PCDHA2: variants seen among roughly 807,000 people sequenced by gnomAD.
The protein encoded by PCDHA2 is protocadherin alpha-2.
In PCDHA2, 58 loss-of-function variants were observed where a neutral mutation model predicts 66.0. The ratio of observed to expected loss-of-function variants is 0.88; its 90% CI spans 0.71 to 1.09. The LOEUF is 1.09. Ranked by LOEUF, PCDHA2 falls within the 50% of genes least tolerant of loss-of-function variation. The pLI is 0.00. For missense variants in PCDHA2, 1,267 were observed against 1,242.3 expected (o/e 1.02, Z -0.30); for synonymous variants, 634 against 554.0 (o/e 1.14, Z -2.03).
At chr5:140,843,066 C>T (rs2150351563) in intron 1 of PCDHA2, 4 of 1,595,216 alleles carry the variant, frequency 2.5e-6, no homozygotes, top group Non-Finnish European at 3.4e-6. Context: ...AAGCTGGTGC[C>T]GCGGTCTGTG....
At chr5:140,895,968 G>C (rs190056652) in intron 1 of PCDHA2, among the ~76,000 whole-genome samples, 4 of 151,938 alleles carry the variant, frequency 2.6e-5, no homozygotes, top group African/African-American at 4.8e-5. Flanking sequence ...CTGTCACCAG[G>C]CCTAGCTAAT....
At chr5:140,969,045 CCAA>C in intron 1 of PCDHA2, 4 of 1,614,090 alleles carry the variant, frequency 2.5e-6, no homozygotes, top group Non-Finnish European at 3.4e-6. Flanking sequence ...TACAAACAAG[CCAA>C]CAACAATATT....
chr5:140,850,813 G>A (rs2150499202), intron 1 of PCDHA2: 2 of 1,598,488 alleles, frequency 1.3e-6, no homozygotes, highest in Admixed American at 1.7e-5. Flanking sequence ...ATGGCCTTCA[G>A]CCCGGGCCTT....
At chr5:140,821,741 T>A in intron 1 of PCDHA2, 3 of 1,554,034 alleles carry the variant, frequency 1.9e-6, no homozygotes, top group Non-Finnish European at 2.6e-6. Context: ...TGTGTGGTGA[T>A]GCAATAGAAA....
At chr5:140,882,279 C>A (rs1456228410) in intron 1 of PCDHA2, 1 of 1,612,386 alleles carries the variant, frequency 6.2e-7, no homozygotes, top group Non-Finnish European at 8.5e-7. Context: ...ATGCTGTCTT[C>A]CTGGCAAGGA....
chr5:140,836,253 G>T (rs2150256519), intron 1 of PCDHA2: 2 of 1,613,806 alleles, frequency 1.2e-6, no homozygotes, highest in Admixed American at 1.7e-5. Context: ...CCCGTTCCGC[G>T]TGGGGCTGTA....
intron 1 of PCDHA2, among the ~76,000 whole-genome samples, chr5:140,820,314 T>C (rs1766731198): frequency 1.3e-5 from 2 of 152,016 alleles, no homozygotes; most frequent in African/African-American, 4.8e-5. Flanking sequence ...CAATATCTTG[T>C]TTCTTTACAA....
chr5:140,956,044 T>G (rs1335890349), intron 1 of PCDHA2, among the ~76,000 whole-genome samples: 1 of 152,200 alleles, frequency 6.6e-6, no homozygotes, highest in African/African-American at 2.4e-5. Context: ...AAGAAGCTTT[T>G]GGGCTGAGAC....
At chr5:140,820,227 A>T (rs1766717678) in intron 1 of PCDHA2, among the ~76,000 whole-genome samples, 1 of 152,006 alleles carries the variant, frequency 6.6e-6, no homozygotes, top group Admixed American at 6.5e-5. Context: ...AAAAGTCATG[A>T]TAATAGAGAT....
rs782372222 is a variant in PCDHA2 at position 140,876,213 on chromosome 5, T to C, written c.2388+78861T>C. 11 of 1,613,846 alleles carry C rather than the reference T, an allele frequency of 6.8e-6. No homozygotes were observed. The Admixed American group carries it at 8.3e-5, about 12-fold the overall frequency. On this transcript the variant is annotated intron_variant, in intron 1 of 3. Coordinates refer to ENST00000526136, the MANE Select transcript of PCDHA2 (RefSeq NM_018905.3). The stretch of plus-strand genomic sequence containing the variant: ...GTCCGGCGTTTGATAAGCCCAGCTA[T>C]AAAGTAGTGTTGTCTGAAAATGTCC...
chr5:140,825,268 G>A (rs1348823121), intron 1 of PCDHA2: 1 of 149,918 alleles, frequency 6.7e-6, no homozygotes, highest in Non-Finnish European at 1.5e-5. Context: ...GTATGTGATT[G>A]GTTATTTTTC....
chr5:140,856,809 A>G lies in PCDHA2; in HGVS notation c.2388+59457A>G, dbSNP rs782118456. 11 of 1,594,544 alleles carry G rather than the reference A, an allele frequency of 6.9e-6. No homozygotes were observed. The African/African-American group carries it at 1.3e-4, about 20-fold the overall frequency. ...TATGAAGTTAAGATGTATGAAAATCAAGTGAACCAAACATTAGTAATACGG... is the reference window on the plus strand; with the variant it reads ...TATGAAGTTAAGATGTATGAAAATCGAGTGAACCAAACATTAGTAATACGG... On this transcript the variant is annotated intron_variant, in intron 1 of 3. Coordinates refer to ENST00000526136, the MANE Select transcript of PCDHA2 (RefSeq NM_018905.3).
chr5:140,845,410 G>A (rs1316753115), intron 1 of PCDHA2, among the ~76,000 whole-genome samples: 3 of 149,216 alleles, frequency 2.0e-5, no homozygotes, highest in South Asian at 4.2e-4. Context: ...ATTGTATTTG[G>A]CAATTTATCA....
intron 1 of PCDHA2, among the ~76,000 whole-genome samples, chr5:140,889,313 T>G (rs1554183863): frequency 6.6e-6 from 1 of 152,078 alleles, no homozygotes; most frequent in Non-Finnish European, 1.5e-5. Flanking sequence ...ACTGTTGAAG[T>G]TATCTGTATC....
intron 1 of PCDHA2, among the ~76,000 whole-genome samples, chr5:140,912,269 A>T (rs1463580948): frequency 6.6e-6 from 1 of 151,984 alleles, no homozygotes; most frequent in African/African-American, 2.4e-5. Context: ...ACCCTCACAG[A>T]TATACCCAGG....
intron 1 of PCDHA2, among the ~76,000 whole-genome samples, chr5:140,915,767 C>T (rs1554197085): frequency 6.6e-6 from 1 of 151,976 alleles, no homozygotes; most frequent in Non-Finnish European, 1.5e-5. Context: ...TGGGTCTTGT[C>T]CAAGGCCTGC....
At chr5:140,934,930 C>G (rs1467115569) in intron 1 of PCDHA2, among the ~76,000 whole-genome samples, 2 of 152,102 alleles carry the variant, frequency 1.3e-5, no homozygotes, top group Non-Finnish European at 2.9e-5. Context: ...CATAAAGTTA[C>G]AAAACTAGTA....
chr5:140,834,427 T>C (rs2150217610), intron 1 of PCDHA2: 1 of 1,613,722 alleles, frequency 6.2e-7, no homozygotes, highest in Non-Finnish European at 8.5e-7. Context: ...CGACATCTAC[T>C]GCTGTTTATT....
At chr5:140,883,615 C>A in intron 1 of PCDHA2, 2 of 1,613,938 alleles carry the variant, frequency 1.2e-6, no homozygotes, top group East Asian at 2.2e-5. Flanking sequence ...CCGACGTGAA[C>A]GACAACGCGC....
Sources: gnomAD v4.1 joint callset for allele counts (sites outside exome capture counted in the v4.1 genomes callset) on GRCh38, gnomAD v4.1.1 for gene constraint, MANE v1.5 for transcripts, NCBI Gene and HGNC (gene_info 2026-07-23, HGNC 2026-07-21) for gene names.